The following EYA4 variants were observed in gnomAD, a reference collection of about 807,000 sequenced individuals.
The protein encoded by EYA4 is EYA transcriptional coactivator and phosphatase 4, also known as protein phosphatase EYA4.
Under a neutral mutation model 87.9 loss-of-function variants are expected in EYA4, and 31 were observed. The ratio of observed to expected loss-of-function variants is 0.35; its 90% CI spans 0.27 to 0.48. The LOEUF is 0.48. Ranked by LOEUF, EYA4 falls within the 20% of genes least tolerant of loss-of-function variation. EYA4 has a pLI of 0.99. For synonymous variants in EYA4, 263 were observed against 270.6 expected, an observed-to-expected ratio of 0.97 and a Z score of 0.28; for missense variants, 678 against 761.4, an observed-to-expected ratio of 0.89 and a Z score of 1.29.
intron 2 of EYA4, among the ~76,000 whole-genome samples, chr6:133,285,933 T>G (rs1778019322): frequency 1.3e-5 from 2 of 152,198 alleles, no homozygotes; most frequent in Non-Finnish European, 2.9e-5. Context: ...AGGTCAGTTT[T>G]AGACATGGTG....
chr6:133,476,025 A>T lies in EYA4; in HGVS notation c.971-5438A>T, dbSNP rs73544967. 3.4e-4 allele frequency among the ~76,000 whole-genome samples: 52 copies of T among 152,202 alleles called. 1 individual carries two copies. Among genetic ancestry groups the T allele is most frequent in the African/African-American group, 1.2e-3 (51 of 41,552 alleles). On this transcript the variant is annotated intron_variant, in intron 11 of 19. Coordinates refer to ENST00000355286, the MANE Select transcript of EYA4 (RefSeq NM_004100.5). ...GACTTTTATTTTAATTTATTGTTTA[A>T]CTGACAAATAAAAAAGTATATATAT...
chr6:133,386,138 C>A (rs1786728012), intron 3 of EYA4, among the ~76,000 whole-genome samples: 1 of 152,012 alleles, frequency 6.6e-6, no homozygotes, highest in African/African-American at 2.4e-5. Flanking sequence ...ATGAGAAAAA[C>A]AAAATTAATA....
intron 14 of EYA4, among the ~76,000 whole-genome samples, chr6:133,508,524 G>A (rs1283146738): frequency 1.1e-4 from 16 of 152,218 alleles, no homozygotes; most frequent in Non-Finnish European, 2.9e-5. Flanking sequence ...GAAATTTTAT[G>A]TGGTAGTATC....
At chr6:133,258,361 C>T (rs1021135331) in intron 1 of EYA4, among the ~76,000 whole-genome samples, 5 of 152,158 alleles carry the variant, frequency 3.3e-5, no homozygotes, top group African/African-American at 7.2e-5. Context: ...TCAGTTCTCA[C>T]GCTTTAAATT....
chr6:133,248,653 T>C (rs753785547), intron 1 of EYA4: 2 of 152,226 alleles, frequency 1.3e-5, no homozygotes, highest in Non-Finnish European at 2.9e-5. Flanking sequence ...ATCTCTACAT[T>C]ACCTAATTCT....
chr6:133,393,911 C>T (rs1371316399), intron 3 of EYA4, among the ~76,000 whole-genome samples: 1 of 152,086 alleles, frequency 6.6e-6, no homozygotes, highest in African/African-American at 2.4e-5. Context: ...AAGTAGTGTT[C>T]TTAAAGTTTC....
intron 11 of EYA4, among the ~76,000 whole-genome samples, chr6:133,479,134 A>C (rs1795992086): frequency 6.6e-6 from 1 of 152,170 alleles, no homozygotes; most frequent in African/African-American, 2.4e-5. Flanking sequence ...GGTTTGTGGG[A>C]TATAGTAACC....
intron 3 of EYA4, among the ~76,000 whole-genome samples, chr6:133,439,941 C>T (rs755158275): frequency 6.6e-6 from 1 of 152,186 alleles, no homozygotes; most frequent in Non-Finnish European, 1.5e-5. Context: ...AAGGGACAGA[C>T]CTTTCTTTTG....
intron 2 of EYA4, among the ~76,000 whole-genome samples, chr6:133,306,528 T>C (rs1779824364): frequency 6.6e-6 from 1 of 152,238 alleles, no homozygotes; most frequent in Non-Finnish European, 1.5e-5. Context: ...ACTTTCTTTA[T>C]TCTCTTAAAG....
At chr6:133,486,700 A>G (rs1418578161) in intron 13 of EYA4, among the ~76,000 whole-genome samples, 1 of 152,144 alleles carries the variant, frequency 6.6e-6, no homozygotes, top group African/African-American at 2.4e-5. Flanking sequence ...AGAGTGGGAG[A>G]ATTGGAAAGA....
chr6:133,382,268 T>G, intron 2 of EYA4, 124 bp from the exon 3 acceptor site: 1 of 774,006 alleles, frequency 1.3e-6, no homozygotes, highest in South Asian at 1.4e-5. Flanking sequence ...GCTGCTGCTG[T>G]AAAGTGTGGG....
At chr6:133,252,942 A>AACACACAC (rs3836960) in intron 1 of EYA4, among the ~76,000 whole-genome samples, 3 of 138,670 alleles carry the variant, frequency 2.2e-5, no homozygotes, top group Non-Finnish European at 4.8e-5. Flanking sequence ...GGTACTTGAA[A>AACACACAC]ACACACACAC....
intron 1 of EYA4, among the ~76,000 whole-genome samples, chr6:133,273,117 A>ATATATATATATATATATATATATAT (rs1207985216): frequency 6.7e-6 from 1 of 148,336 alleles, no homozygotes; most frequent in African/African-American, 2.5e-5. Context: ...ATATATATAT[A>ATATATATATATATATATATATATAT]AAGGGAAGTT....
intron 2 of EYA4, chr6:133,363,384 G>T (rs972056309): frequency 6.6e-6 from 1 of 152,216 alleles, no homozygotes; most frequent in African/African-American, 2.4e-5. Context: ...TGGAGTTCTG[G>T]ACTCACAGCT....
rs1483382717 is a variant in EYA4 at position 133,498,313 on chromosome 6, C to A, written c.1192-7793C>A. On this transcript the variant is annotated intron_variant, in intron 13 of 19. Transcript: ENST00000355286. ...CCTCTCCCTCCTAGTACCCATGTGA[C>A]CTTGAGTAGTTTATTTAGCATTTAT... is the stretch of plus-strand genomic sequence containing the variant. Among the ~76,000 whole-genome samples the A allele has an allele frequency of 2.0e-5, 3 of 152,056 alleles. No individual in the cohort carries two copies. The East Asian group carries it at 5.8e-4, about 29-fold the overall frequency.
intron 17 of EYA4, among the ~76,000 whole-genome samples, chr6:133,515,966 A>C (rs188514642): frequency 6.6e-6 from 1 of 152,276 alleles, no homozygotes; most frequent in Admixed American, 6.5e-5. Flanking sequence ...TAAACAGTGA[A>C]ATTCTGACTT....
chr6:133,320,638 A>C (rs1229509172), intron 2 of EYA4, among the ~76,000 whole-genome samples: 1 of 152,134 alleles, frequency 6.6e-6, no homozygotes, highest in Non-Finnish European at 1.5e-5. Context: ...AACAGTGAAC[A>C]TTGAACCTAA....
intron 3 of EYA4, among the ~76,000 whole-genome samples, chr6:133,434,754 G>T (rs761763479): frequency 2.0e-5 from 3 of 152,114 alleles, no homozygotes; most frequent in Middle Eastern, 6.8e-3. Context: ...GCTCTTGTTA[G>T]TACAACATTG....
At chr6:133,280,445 T>C (rs996448939) in intron 2 of EYA4, among the ~76,000 whole-genome samples, 2 of 152,132 alleles carry the variant, frequency 1.3e-5, no homozygotes, top group Non-Finnish European at 2.9e-5. Context: ...CTTGCTCTGT[T>C]GAGTACGGTG....
Sources: allele counts gnomAD v4.1 joint callset (sites outside exome capture counted in the v4.1 genomes callset), GRCh38; gene constraint gnomAD v4.1.1; transcripts MANE v1.5; gene names NCBI Gene and HGNC (gene_info 2026-07-23, HGNC 2026-07-21).